The following RBFOX1 variants were observed in gnomAD, a reference collection of about 807,000 sequenced individuals.
RBFOX1 encodes the protein RNA binding protein fox-1 homolog 1.
In RBFOX1, 8 loss-of-function variants were observed where a neutral mutation model predicts 57.7. That is an observed-to-expected ratio of 0.14 (90% CI 0.08 to 0.25). RBFOX1 has a LOEUF of 0.25. Among genes scored for constraint, RBFOX1 ranks in the 10% least tolerant of loss-of-function variants. RBFOX1 has a pLI of 1.00. For synonymous variants in RBFOX1, 326 were observed against 222.4 expected (o/e 1.47, Z -4.15); for missense variants, 611 against 548.5 (o/e 1.11, Z -1.14).
chr16:7,361,445 C>G (rs562479399), intron 4 of RBFOX1, among the ~76,000 whole-genome samples: 3 of 152,158 alleles, frequency 2.0e-5, no homozygotes, highest in Admixed American at 6.5e-5. Context: ...AGAACGGTTT[C>G]CTTTTACTTG....
chr16:5,454,888 TTCTTTCTTTC>T (rs2151576840), intron 1 of RBFOX1, among the ~76,000 whole-genome samples: 2 of 130,814 alleles, frequency 1.5e-5, no homozygotes, highest in African/African-American at 5.8e-5. Context: ...CTTTCTTTCT[TTCTTTCTTTC>T]TTTCTTTCTT....
chr16:7,416,294 CCA>C (rs1204799645), intron 4 of RBFOX1, among the ~76,000 whole-genome samples: 2 of 152,198 alleles, frequency 1.3e-5, no homozygotes, highest in African/African-American at 4.8e-5. Context: ...TGCCCGGAAT[CCA>C]GAGACTCTGA....
chr16:6,689,708 A>G (rs1391851002), intron 3 of RBFOX1, among the ~76,000 whole-genome samples: 1 of 152,166 alleles, frequency 6.6e-6, no homozygotes, highest in African/African-American at 2.4e-5. Flanking sequence ...TCCGTCATTC[A>G]TGTTCTGTTT....
chr16:7,526,464 T>C (rs566017158), intron 5 of RBFOX1, among the ~76,000 whole-genome samples: 9 of 152,280 alleles, frequency 5.9e-5, no homozygotes, highest in Admixed American at 1.3e-4. Flanking sequence ...GCTCTTATTT[T>C]TTCTATAACT....
At chr16:7,316,736 A>C (rs2096448396) in intron 4 of RBFOX1, among the ~76,000 whole-genome samples, 1 of 151,974 alleles carries the variant, frequency 6.6e-6, no homozygotes, top group Non-Finnish European at 1.5e-5. Context: ...ATGGAGTGGG[A>C]GGTAGGCAAG....
At chr16:6,520,440 C>A (rs1321601297) in intron 2 of RBFOX1, among the ~76,000 whole-genome samples, 1 of 152,110 alleles carries the variant, frequency 6.6e-6, no homozygotes, top group East Asian at 1.9e-4. Flanking sequence ...CAATCTGGTT[C>A]ATTGTCTGAA....
intron 3 of RBFOX1, among the ~76,000 whole-genome samples, chr16:6,928,340 G>A (rs186862138): frequency 2.6e-5 from 4 of 152,280 alleles, no homozygotes; most frequent in Non-Finnish European, 5.9e-5. Flanking sequence ...ACGGGGCGGG[G>A]AAAGAAAAGA....
intron 4 of RBFOX1, among the ~76,000 whole-genome samples, chr16:7,367,324 G>A (rs935192732): frequency 2.6e-5 from 4 of 152,174 alleles, no homozygotes; most frequent in African/African-American, 9.6e-5. Flanking sequence ...TGGTTCTGAA[G>A]AAGTCCTGTC....
chr16:6,592,585 G>A (rs1216157883), intron 2 of RBFOX1, among the ~76,000 whole-genome samples: 1 of 152,188 alleles, frequency 6.6e-6, no homozygotes, highest in Non-Finnish European at 1.5e-5. Context: ...GCTCCACCAT[G>A]TAATACCTTT....
intron 1 of RBFOX1, among the ~76,000 whole-genome samples, chr16:6,072,954 C>T (rs1163146564): frequency 6.6e-6 from 1 of 152,110 alleles, no homozygotes; most frequent in Non-Finnish European, 1.5e-5. Context: ...TAAATATGTG[C>T]AGTATTTTGT....
chr16:5,634,162 G>C (rs1051582272), intron 3 of RBFOX1, among the ~76,000 whole-genome samples: 2 of 152,168 alleles, frequency 1.3e-5, no homozygotes, highest in Admixed American at 1.3e-4. Context: ...ATTCAGACTT[G>C]TGTACATCAG....
At chr16:6,584,733 C>A (rs1025371204) in intron 2 of RBFOX1, among the ~76,000 whole-genome samples, 1 of 152,102 alleles carries the variant, frequency 6.6e-6, no homozygotes, top group African/African-American at 2.4e-5. Flanking sequence ...CTTCCACCCT[C>A]AGCTGGAAGA....
At chr16:5,499,267 A>G (rs2043106152) in intron 2 of RBFOX1, among the ~76,000 whole-genome samples, 1 of 152,206 alleles carries the variant, frequency 6.6e-6, no homozygotes, top group African/African-American at 2.4e-5. Context: ...GGTAGAAAAT[A>G]CTAGAGGAAT....
intron 4 of RBFOX1, among the ~76,000 whole-genome samples, chr16:7,470,589 T>G (rs569199109): frequency 6.6e-6 from 1 of 151,714 alleles, no homozygotes; most frequent in South Asian, 2.1e-4. Flanking sequence ...GATGGATGGA[T>G]GGGCGGATGG....
At chr16:7,566,062 G>A (rs946057556) in intron 5 of RBFOX1, among the ~76,000 whole-genome samples, 1 of 152,128 alleles carries the variant, frequency 6.6e-6, no homozygotes. Flanking sequence ...CTGATACAGT[G>A]TTTATCCACG....
chr16:5,554,121 C>T (rs2045578346), intron 2 of RBFOX1, among the ~76,000 whole-genome samples: 1 of 151,998 alleles, frequency 6.6e-6, no homozygotes, highest in Admixed American at 6.6e-5. Context: ...GAGGTGGCCA[C>T]CACCATGCCT....
chr16:7,088,696 T>C (rs886556957), intron 4 of RBFOX1, among the ~76,000 whole-genome samples: 1 of 152,138 alleles, frequency 6.6e-6, no homozygotes, highest in Admixed American at 6.5e-5. Context: ...GGGAGACAAA[T>C]ATATATCCTA....
chr16:7,105,288 ATT>A (rs58447850), intron 4 of RBFOX1, among the ~76,000 whole-genome samples: 37,411 of 137,862 alleles, frequency 0.27, 5,048 homozygotes, highest in East Asian at 0.46. Flanking sequence ...ATATGGTCTG[ATT>A]TTTTTTTTTT....
At chr16:5,797,892 A>T (rs74004603) in intron 3 of RBFOX1, among the ~76,000 whole-genome samples, 1 of 152,148 alleles carries the variant, frequency 6.6e-6, no homozygotes, top group Non-Finnish European at 1.5e-5. Context: ...CTCTGGAAGG[A>T]TGTCCGCACT....
Sources: allele counts gnomAD v4.1 joint callset (sites outside exome capture counted in the v4.1 genomes callset), GRCh38; gene constraint gnomAD v4.1.1; transcripts MANE v1.5; gene names NCBI Gene and HGNC (gene_info 2026-07-23, HGNC 2026-07-21).